Variants in ESR1 observed in about 807,000 individuals in gnomAD.
The protein encoded by ESR1 is estrogen receptor.
A neutral mutation model predicts 52.7 loss-of-function variants in ESR1; 12 were observed. The observed-to-expected ratio is 0.23, with a 90% confidence interval of 0.15 to 0.37. The LOEUF is 0.37. Ranked by LOEUF, ESR1 falls within the 10% of genes least tolerant of loss-of-function variation. The pLI, the probability that ESR1 is intolerant of heterozygous loss-of-function variation, is 1.00. For missense variants in ESR1, 584 were observed against 779.7 expected (o/e 0.75, Z 2.99); for synonymous variants, 305 against 316.8 (o/e 0.96, Z 0.39).
rs1361952517 is a variant in ESR1, at chr6:151,808,202, TC to T, written c.296del (p.Pro99HisfsTer10). On this transcript the variant is annotated frameshift_variant, in exon 1 of 8. Coordinates refer to ENST00000206249, the MANE Select transcript of ESR1 (RefSeq NM_000125.4). LOFTEE classifies it high-confidence loss of function. Reference sequence around the variant, plus strand: ...TTCGGCTCCAACGGCCTGGGGGGTTTCCCCCCACTCAACAGCGTGTCTCCGA... The same window carrying T: ...TTCGGCTCCAACGGCCTGGGGGGTTTCCCCCACTCAACAGCGTGTCTCCGA... Reference protein sequence around the residue: ...AAFGSNGLGGFPPLNSVSPSP... With the variant: ...AAFGSNGLGGXPPLNSVSPSP... The T allele has an allele frequency of 1.3e-6, 2 of 1,571,470 alleles. No homozygotes were observed. Among genetic ancestry groups the T allele is most frequent in the Non-Finnish European group, 1.7e-6 (2 of 1,158,742 alleles).
At chr6:151,765,353 A>T (rs79927331) in intron 2 of ESR1, among the ~76,000 whole-genome samples, 1 of 152,248 alleles carries the variant, frequency 6.6e-6, no homozygotes, top group Non-Finnish European at 1.5e-5. Flanking sequence ...CAGTTTTAAA[A>T]TTTAAATCAA....
chr6:151,746,693 A>G (rs763121336), intron 2 of ESR1, among the ~76,000 whole-genome samples: 3 of 152,242 alleles, frequency 2.0e-5, no homozygotes, highest in Non-Finnish European at 2.9e-5. Context: ...ATTTAACTTT[A>G]AAGTATTATG....
intron 4 of ESR1, among the ~76,000 whole-genome samples, chr6:151,989,898 A>G (rs1052588369): frequency 1.3e-5 from 2 of 152,072 alleles, no homozygotes; most frequent in South Asian, 2.1e-4. Flanking sequence ...GTGTTAGCCT[A>G]TCTGTTTCTG....
intron 6 of ESR1, among the ~76,000 whole-genome samples, chr6:152,070,735 T>C (rs1243483927): frequency 7.2e-6 from 1 of 139,088 alleles, no homozygotes; most frequent in Non-Finnish European, 1.5e-5. Flanking sequence ...CATGGGGTCA[T>C]TGAGCTCCCC....
Position 151,905,578 on chromosome 6 carries a change from A to G in ESR1, c.760+24807A>G, listed in dbSNP as rs9340874. On this transcript the variant is annotated intron_variant, in intron 3 of 7. Transcript: ENST00000206249. ...AATAAAAGGAAATATTCCTCTAACT[A>G]AAGTTTGAGATTTAGGGCATAATCC... 8.2e-3 allele frequency among the ~76,000 whole-genome samples: 1,252 copies of G among 152,326 alleles called. 12 individuals are homozygous for G. Among genetic ancestry groups the G allele is most frequent in the Non-Finnish European group, 0.013 (886 of 68,038 alleles).
At chr6:151,769,026 TG>T (rs1785290066) in intron 2 of ESR1, among the ~76,000 whole-genome samples, 1 of 152,212 alleles carries the variant, frequency 6.6e-6, no homozygotes, top group African/African-American at 2.4e-5. Context: ...CACGTTTCTG[TG>T]CTTTTATGTA....
intron 4 of ESR1, among the ~76,000 whole-genome samples, chr6:151,956,189 G>A (rs1425475717): frequency 2.6e-5 from 4 of 152,112 alleles, no homozygotes; most frequent in Non-Finnish European, 5.9e-5. Context: ...ATGAACATAC[G>A]CGTTCATGTG....
At chr6:152,068,317 A>G (rs2048127788) in intron 6 of ESR1, among the ~76,000 whole-genome samples, 1 of 152,248 alleles carries the variant, frequency 6.6e-6, no homozygotes, top group African/African-American at 2.4e-5. Flanking sequence ...GCTAGATTCT[A>G]AGGCATTCAT....
At chr6:152,077,128 A>G (rs2048801930) in intron 6 of ESR1, among the ~76,000 whole-genome samples, 1 of 152,120 alleles carries the variant, frequency 6.6e-6, no homozygotes, top group South Asian at 2.1e-4. Flanking sequence ...GGCCAGTCCC[A>G]GGGTCCCCAT....
chr6:151,985,456 C>T (rs56169335), intron 4 of ESR1, among the ~76,000 whole-genome samples: 13,321 of 133,068 alleles, frequency 0.1, 1,305 homozygotes, highest in African/African-American at 0.25. Flanking sequence ...TGTAGTGAGC[C>T]GAGATTGCGC....
chr6:151,876,020 T>C (rs1260143481), intron 2 of ESR1, among the ~76,000 whole-genome samples: 2 of 151,972 alleles, frequency 1.3e-5, no homozygotes, highest in Non-Finnish European at 2.9e-5. Context: ...GGTCCTGCGG[T>C]GGGCTGTGGT....
chr6:151,719,604 T>C lies in ESR1; in HGVS notation c.-71+17599T>C, dbSNP rs553732987. Among the ~76,000 whole-genome samples, 6 of 152,282 alleles carry C rather than the reference T, an allele frequency of 3.9e-5. No homozygotes were observed. The South Asian group carries it at 1.0e-3, about 26-fold the overall frequency. On this transcript the variant is annotated intron_variant, in intron 2 of 2. Transcript: ENST00000404742. ...CTGGGGCAGGTGAACTGCTTTTTGA[T>C]TGGGGAGTTCAGAGGGTAATGCTTT...
At chr6:152,016,561 T>TTTTATACTTGTAGAAGTATACTTGTAGA (rs1212389650) in intron 5 of ESR1, among the ~76,000 whole-genome samples, 6 of 152,124 alleles carry the variant, frequency 3.9e-5, no homozygotes. Context: ...CCATCTGAGA[T>TTTTATACTTGTAGAAGTATACTTGTAGA]TTTATACTTG....
At chr6:151,971,778 C>T (rs1278928238) in intron 4 of ESR1, among the ~76,000 whole-genome samples, 1 of 151,974 alleles carries the variant, frequency 6.6e-6, no homozygotes, top group South Asian at 2.1e-4. Context: ...CAAACCCAAA[C>T]CCAGCAGAAG....
chr6:152,004,002 A>G (rs2042153846), intron 4 of ESR1, among the ~76,000 whole-genome samples: 1 of 152,000 alleles, frequency 6.6e-6, no homozygotes, highest in Non-Finnish European at 1.5e-5. Context: ...TATTATAGTT[A>G]TTTTACATAA....
At chr6:152,025,718 C>A (rs939563285) in intron 5 of ESR1, among the ~76,000 whole-genome samples, 1 of 151,846 alleles carries the variant, frequency 6.6e-6, no homozygotes, top group Non-Finnish European at 1.5e-5. Flanking sequence ...TAGTTTTCTG[C>A]TTTCTAACTC....
intron 3 of ESR1, among the ~76,000 whole-genome samples, chr6:151,937,280 C>T (rs991210647): frequency 7.2e-5 from 11 of 152,082 alleles, no homozygotes; most frequent in South Asian, 4.1e-4. Flanking sequence ...GACAAAATGG[C>T]GGGTATGAGA....
intron 2 of ESR1, among the ~76,000 whole-genome samples, chr6:151,751,326 A>C (rs1483091289): frequency 6.6e-6 from 1 of 152,186 alleles, no homozygotes; most frequent in South Asian, 2.1e-4. Flanking sequence ...TTCATTTATT[A>C]TCTGTTTGAG....
intron 4 of ESR1, among the ~76,000 whole-genome samples, chr6:151,970,378 A>G (rs2038784000): frequency 6.6e-6 from 1 of 151,938 alleles, no homozygotes; most frequent in Non-Finnish European, 1.5e-5. Flanking sequence ...AAGCCCTCCC[A>G]CAAGCATATA....
Sources: gnomAD v4.1 joint callset for allele counts (sites outside exome capture counted in the v4.1 genomes callset) on GRCh38, gnomAD v4.1.1 for gene constraint, MANE v1.5 for transcripts, NCBI Gene and HGNC (gene_info 2026-07-23, HGNC 2026-07-21) for gene names.